The following VCAN variants were observed in gnomAD, a reference collection of about 807,000 sequenced individuals.
VCAN encodes the protein versican core protein.
VCAN carries 44 observed loss-of-function variants against 245.5 expected under a neutral mutation model. That is an observed-to-expected ratio of 0.18 (90% CI 0.14 to 0.23). VCAN has a LOEUF of 0.23. Ranked by LOEUF, VCAN falls within the 10% of genes least tolerant of loss-of-function variation. The pLI is 1.00. For missense variants in VCAN, 3,793 were observed against 4,057.9 expected, an observed-to-expected ratio of 0.93 and a Z score of 1.77; for synonymous variants, 1,413 against 1,437.0, an observed-to-expected ratio of 0.98 and a Z score of 0.38.
chr5:83,580,036 C>A lies in VCAN; in HGVS notation c.9937C>A (p.Pro3313Thr). Reference sequence around the variant, plus strand: ...TGCCAAGACCTTTGGAAAGATGAAACCTCGTTATGAAATCAACTCCCTGAT... The same window carrying A: ...TGCCAAGACCTTTGGAAAGATGAAAACTCGTTATGAAATCAACTCCCTGAT... The part of the protein sequence containing the change: ...ENAKTFGKMK[P>T]RYEINSLIRY... The change falls in exon 14 of 15, where the codon CCT becomes ACT. Residue 3313 changes from proline (P) to threonine (T), a missense_variant. By Grantham distance (38) the Pro-to-Thr change is conservative (BLOSUM62 -1). Transcript: ENST00000265077. 3 of 1,614,104 alleles carry A rather than the reference C, an allele frequency of 1.9e-6. No individual in the cohort carries two copies. Among genetic ancestry groups the A allele is most frequent in the Non-Finnish European group, 2.5e-6 (3 of 1,179,994 alleles).
At chr5:83,518,835 T>C (rs1426146995) in intron 6 of VCAN, among the ~76,000 whole-genome samples, 1 of 152,148 alleles carries the variant, frequency 6.6e-6, no homozygotes, top group Non-Finnish European at 1.5e-5. Context: ...TTTTTTGTTG[T>C]TTTGCAATCT....
intron 12 of VCAN, 102 bp downstream of exon 12, chr5:83,555,140 AAATG>A: frequency 1.6e-6 from 2 of 1,224,990 alleles, no homozygotes; most frequent in Non-Finnish European, 2.4e-6. Context: ...GAGGCAAGTT[AAATG>A]ACTTGCTCAA....
At chr5:83,536,949 T>C in intron 7 of VCAN, 58 bp from the exon 8 acceptor site, 1 of 1,465,048 alleles carries the variant, frequency 6.8e-7, no homozygotes, top group South Asian at 1.4e-5. Flanking sequence ...ATCAATTTCT[T>C]CTGTCATACA....
At chr5:83,505,250 C>G (rs775893446) in intron 5 of VCAN, among the ~76,000 whole-genome samples, 1 of 152,122 alleles carries the variant, frequency 6.6e-6, no homozygotes, top group Non-Finnish European at 1.5e-5. Context: ...GTCCACAGTC[C>G]AAAGTCTCAT....
At chr5:83,473,642 T>C (rs1744280825) in intron 1 of VCAN, among the ~76,000 whole-genome samples, 1 of 152,154 alleles carries the variant, frequency 6.6e-6, no homozygotes, top group African/African-American at 2.4e-5. Flanking sequence ...GTGCGCTCCT[T>C]CGGATCTGCC....
chr5:83,495,908 G>A (rs1043914087), intron 5 of VCAN, among the ~76,000 whole-genome samples: 4 of 152,116 alleles, frequency 2.6e-5, no homozygotes, highest in African/African-American at 9.7e-5. Flanking sequence ...GAGCCCTAGA[G>A]ACCCCCCGTG....
chr5:83,493,414 TA>T, intron 3 of VCAN, 131 bp from the exon 4 acceptor site: 1 of 1,229,960 alleles, frequency 8.1e-7, no homozygotes, highest in Non-Finnish European at 1.2e-6. Flanking sequence ...CTGCATGAAG[TA>T]AAAGTAAATA....
chr5:83,473,324 C>A (rs186390893), intron 1 of VCAN, among the ~76,000 whole-genome samples: 75 of 152,274 alleles, frequency 4.9e-4, no homozygotes, highest in Non-Finnish European at 9.0e-4. Context: ...GCTCTCCAAT[C>A]CAACTGCGTC....
chr5:83,572,337 G>A (rs1337956426), intron 12 of VCAN, 79 bp from the exon 13 acceptor site: 1 of 1,534,488 alleles, frequency 6.5e-7, no homozygotes, highest in South Asian at 1.1e-5. Flanking sequence ...ATTCCAATTA[G>A]ATTGTGATAT....
chr5:83,504,633 T>C (rs903581202), intron 5 of VCAN, among the ~76,000 whole-genome samples: 2 of 152,160 alleles, frequency 1.3e-5, no homozygotes, highest in African/African-American at 4.8e-5. Context: ...CCACCTGCCT[T>C]GTCCTCCCAA....
intron 5 of VCAN, 94 bp from the exon 6 acceptor site, chr5:83,512,009 C>T: frequency 6.5e-6 from 10 of 1,536,318 alleles, no homozygotes; most frequent in Non-Finnish European, 8.9e-6. Context: ...AAAAGTATTA[C>T]ATGCTCCTCC....
chr5:83,498,255 G>A (rs1026667051), intron 5 of VCAN, among the ~76,000 whole-genome samples: 2 of 152,048 alleles, frequency 1.3e-5, no homozygotes, highest in African/African-American at 4.8e-5. Context: ...AACCTTGAAT[G>A]TATGACTATA....
rs549894708 is a variant in VCAN at position 83,559,724 on chromosome 5, GT to G, written c.9735+4687del. On this transcript the variant is annotated intron_variant, in intron 12 of 14. Transcript: ENST00000265077. ...TGTGAAATCAACTTCCTGACACTGA[GT>G]CTTCTGAGATAGGAATTAACTTTCG... Among the ~76,000 whole-genome samples the G allele has an allele frequency of 5.0e-3, 765 of 152,192 alleles. 1 individual carries two copies. The highest frequency in any genetic ancestry group is 8.0e-3 in the Non-Finnish European group (543 of 68,004).
chr5:83,568,472 A>G (rs1439423238), intron 12 of VCAN, among the ~76,000 whole-genome samples: 2 of 152,154 alleles, frequency 1.3e-5, no homozygotes, highest in Non-Finnish European at 2.9e-5. Flanking sequence ...TTCTCACCCA[A>G]AACAATTAAA....
intron 6 of VCAN, chr5:83,512,647 T>A: frequency 2.3e-6 from 1 of 443,452 alleles, no homozygotes; most frequent in Admixed American, 4.0e-5. Flanking sequence ...TGCTCTGTTG[T>A]GTCCAGAGCC....
rs368356712 is a variant in VCAN, at chr5:83,565,987, GT to G, written c.9736-6428del. Among the ~76,000 whole-genome samples the G allele has an allele frequency of 1.7e-3, 253 of 150,162 alleles. 1 individual carries two copies. The highest frequency in any genetic ancestry group is 2.8e-3 in the Non-Finnish European group (187 of 67,662). On this transcript the variant is annotated intron_variant, in intron 12 of 14. Transcript: ENST00000265077. ...TTTTTTTTCTTTTTTTTTTGAGACG[GT>G]GTCTCACTCTTGTTGCCCAGGCTGG...
Position 83,539,780 on chromosome 5 carries a change from A to G in VCAN, c.6777A>G (p.Gly2259=). The part of the protein sequence containing the change: ...TELLFSGLGS[G]EEVLPTLPTE... The stretch of plus-strand genomic sequence containing the variant: ...TCTTATTCTCTGGACTGGGATCAGG[A>G]GAAGAAGTTTTACCTACTCTACCAA... Residue 2259 remains glycine (G), a synonymous_variant, in exon 8 of 15, where the codon GGA becomes GGG. Transcript: ENST00000265077. 1 of 1,613,982 alleles carries G rather than the reference A, an allele frequency of 6.2e-7. No individual in the cohort carries two copies. Among genetic ancestry groups the G allele is most frequent in the East Asian group, 2.2e-5 (1 of 44,832 alleles).
At chr5:83,545,155 T>A (rs1393082241) in intron 8 of VCAN, 1 of 290,256 alleles carries the variant, frequency 3.4e-6, no homozygotes, top group African/African-American at 2.2e-5. Flanking sequence ...CCATTTCACA[T>A]GAACTAACCC....
chr5:83,554,082 A>G (rs1171864648), intron 11 of VCAN, among the ~76,000 whole-genome samples: 1 of 152,258 alleles, frequency 6.6e-6, no homozygotes, highest in Admixed American at 6.5e-5. Context: ...ATGAAACTTA[A>G]TATCAGAGCT....
Sources: gnomAD v4.1 joint callset for allele counts (sites outside exome capture counted in the v4.1 genomes callset) on GRCh38, gnomAD v4.1.1 for gene constraint, MANE v1.5 for transcripts, NCBI Gene and HGNC (gene_info 2026-07-23, HGNC 2026-07-21) for gene names.